Variants in TF observed in about 807,000 individuals in gnomAD.
TF encodes the protein transferrin.
In TF, 55 loss-of-function variants were observed where a neutral mutation model predicts 82.4. The observed-to-expected ratio is 0.67, with a 90% CI of 0.54 to 0.84. TF has a LOEUF of 0.84. Ranked by LOEUF, TF falls within the 40% of genes least tolerant of loss-of-function variation. TF has a pLI of 0.00. For synonymous variants in TF, 332 were observed against 332.6 expected (o/e 1.00, Z 0.02); for missense variants, 737 against 868.4 (o/e 0.85, Z 1.90).
the TF span, among the ~76,000 whole-genome samples, chr3:133,679,939 G>A: frequency 2.0e-5 from 3 of 152,152 alleles, no homozygotes; most frequent in Non-Finnish European, 2.9e-5. Context: ...ACCATGTCCT[G>A]CCAGTGCTTG....
chr3:133,752,181 A>G (rs975861104), intron 2 of TF, among the ~76,000 whole-genome samples: 1 of 148,786 alleles, frequency 6.7e-6, no homozygotes, highest in African/African-American at 2.5e-5. Context: ...CAACCTCTGC[A>G]TCCCAGGTTC....
At chr3:133,765,930 A>G (rs993599839) in intron 11 of TF, among the ~76,000 whole-genome samples, 5 of 152,156 alleles carry the variant, frequency 3.3e-5, no homozygotes, top group African/African-American at 1.2e-4. Flanking sequence ...AATTTATGAA[A>G]GTTTGTGGTT....
At chr3:133,758,088 A>C (rs1319308497) in intron 8 of TF, 142 bp downstream of exon 8, 1 of 738,798 alleles carries the variant, frequency 1.4e-6, no homozygotes, top group Non-Finnish European at 2.2e-6. Flanking sequence ...CCAGTGTTAG[A>C]CTGATGCTGA....
At position 133,755,293 on chromosome 3, in the gene TF, G is replaced by A. The variant is rs962618905; in HGVS notation, c.503-70G>A. On this transcript the variant is annotated intron_variant, in intron 4 of 16. Coordinates refer to ENST00000402696, the MANE Select transcript of TF (RefSeq NM_001063.4). ...TCCCCTCTGTTCCCTGATGGGCCTG[G>A]GTGGGGTGATGCCATTGGCTGTGGC... 9 of 1,610,450 alleles carry A rather than the reference G, an allele frequency of 5.6e-6. No individual in the cohort carries two copies. The African/African-American group carries it at 9.4e-5, about 17-fold the overall frequency.
intron 9 of TF, chr3:133,761,330 C>A (rs8177252): frequency 0.32 from 50,338 of 158,634 alleles, 8,333 homozygotes; most frequent in East Asian, 0.42. Context: ...CTGCTTGGCT[C>A]CTCTTCACCC....
At chr3:133,773,445 A>G (rs1399015414) in intron 14 of TF, 4 of 151,608 alleles carry the variant, frequency 2.6e-5, no homozygotes, top group African/African-American at 9.7e-5. Context: ...TACAGGTGTG[A>G]CCCACCGCGC....
intron 14 of TF, 41 bp downstream of exon 14, chr3:133,770,613 C>G (rs1934236942): frequency 1.3e-6 from 2 of 1,597,636 alleles, no homozygotes; most frequent in Non-Finnish European, 1.7e-6. Flanking sequence ...ATCACTAGAT[C>G]CTGGTCACTG....
At chr3:133,717,261 T>A in the TF span, among the ~76,000 whole-genome samples, 1 of 152,178 alleles carries the variant, frequency 6.6e-6, no homozygotes, top group Admixed American at 6.5e-5. Context: ...GTGCTCTGGG[T>A]GCTCCCTCCT....
the TF span, among the ~76,000 whole-genome samples, chr3:133,722,962 TA>T: frequency 1.3e-5 from 2 of 152,234 alleles, no homozygotes; most frequent in African/African-American, 4.8e-5. Flanking sequence ...AGGCTGGTCT[TA>T]GGGGTGATGA....
the TF span, among the ~76,000 whole-genome samples, chr3:133,740,519 C>T: frequency 6.6e-6 from 1 of 152,038 alleles, no homozygotes; most frequent in African/African-American, 2.4e-5. Flanking sequence ...TTAGTATACA[C>T]GGGGTTTCAC....
intron 11 of TF, 41 bp from the exon 12 acceptor site, chr3:133,766,237 C>T (rs1340634280): frequency 2.5e-6 from 4 of 1,603,776 alleles, no homozygotes; most frequent in South Asian, 2.2e-5. Context: ...CTGGAAGCCC[C>T]AGAGGTGTTA....
the TF span, among the ~76,000 whole-genome samples, chr3:133,681,096 T>A: frequency 6.6e-6 from 1 of 152,366 alleles, no homozygotes; most frequent in Non-Finnish European, 1.5e-5. Flanking sequence ...GCCTTTCTAG[T>A]GCTCTCTACA....
the TF span, among the ~76,000 whole-genome samples, chr3:133,723,027 A>T: frequency 6.6e-6 from 1 of 151,494 alleles, no homozygotes; most frequent in Non-Finnish European, 1.5e-5. Context: ...TTCATTTCTG[A>T]GGGATAACTT....
At chr3:133,746,345 C>A, upstream of TF, 3 of 1,448,630 alleles carry the variant, frequency 2.1e-6, no homozygotes, top group Non-Finnish European at 2.8e-6. Context: ...GCGCCCAGCC[C>A]GCCCAGGCCG....
At chr3:133,752,972 G>A (rs1933718152) in intron 2 of TF, among the ~76,000 whole-genome samples, 1 of 152,180 alleles carries the variant, frequency 6.6e-6, no homozygotes, top group East Asian at 1.9e-4. Context: ...GGGTCATGCA[G>A]TTTTATGGAC....
the TF span, among the ~76,000 whole-genome samples, chr3:133,677,941 A>G: frequency 6.6e-6 from 1 of 152,170 alleles, no homozygotes; most frequent in Non-Finnish European, 1.5e-5. Flanking sequence ...TACACATGCC[A>G]TGGTGGTTTG....
the TF span, among the ~76,000 whole-genome samples, chr3:133,663,478 G>A: frequency 6.8e-6 from 1 of 146,672 alleles, no homozygotes; most frequent in African/African-American, 2.5e-5. Flanking sequence ...AAAATCACTA[G>A]AGGTGGGAAA....
chr3:133,687,967 A>G, the TF span, among the ~76,000 whole-genome samples: 1 of 151,710 alleles, frequency 6.6e-6, no homozygotes, highest in Admixed American at 6.6e-5. Context: ...TTGCTGTACT[A>G]TATGCTAATT....
chr3:133,662,695 C>T, the TF span, among the ~76,000 whole-genome samples: 1 of 152,134 alleles, frequency 6.6e-6, no homozygotes, highest in African/African-American at 2.4e-5. Flanking sequence ...TAGTGATAAC[C>T]AGCGGAAAAC....
Sources: allele counts gnomAD v4.1 joint callset (sites outside exome capture counted in the v4.1 genomes callset), GRCh38; gene constraint gnomAD v4.1.1; transcripts MANE v1.5; gene names NCBI Gene and HGNC (gene_info 2026-07-23, HGNC 2026-07-21).